The following FSD1L variants were observed in gnomAD, a reference collection of about 807,000 sequenced individuals.
FSD1L encodes FSD1-like protein.
In FSD1L, 45 loss-of-function variants were observed where a neutral mutation model predicts 71.6. The observed-to-expected ratio is 0.63, with a 90% CI of 0.49 to 0.81. FSD1L has a LOEUF of 0.81. FSD1L is among the 30% of genes least tolerant of loss of function. The pLI, the probability that FSD1L is intolerant of heterozygous loss-of-function variation, is 0.00. For synonymous variants in FSD1L, 197 were observed against 207.2 expected, an observed-to-expected ratio of 0.95 and a Z score of 0.42; for missense variants, 561 against 618.1, an observed-to-expected ratio of 0.91 and a Z score of 0.98.
At chr9:105,443,405 C>T (rs991598232), upstream of FSD1L, among the ~76,000 whole-genome samples, 1 of 152,128 alleles carries the variant, frequency 6.6e-6, no homozygotes, top group African/African-American at 2.4e-5. Flanking sequence ...GAGAACAACA[C>T]AGAAAAGAAC....
intron 4 of FSD1L, among the ~76,000 whole-genome samples, chr9:105,470,343 A>G (rs1831372590): frequency 6.6e-6 from 1 of 152,178 alleles, no homozygotes; most frequent in Non-Finnish European, 1.5e-5. Context: ...TGCTTTGGGT[A>G]GTATGGATAG....
intron 10 of FSD1L, chr9:105,520,343 T>C: frequency 2.3e-6 from 3 of 1,307,502 alleles, no homozygotes; most frequent in Non-Finnish European, 3.2e-6. Context: ...TGGAAAGTGA[T>C]GTTTATTTAG....
At chr9:105,442,364 C>G in the FSD1L span, among the ~76,000 whole-genome samples, 17 of 151,980 alleles carry the variant, frequency 1.1e-4, no homozygotes, top group Admixed American at 9.8e-4. Context: ...ATGATGTAAC[C>G]TCACAGTTCA....
rs1251277194 is a variant in FSD1L at position 105,522,692 on chromosome 9, T to TA, written c.1025+9759dup. 2.1e-4 allele frequency: 345 copies of TA among 1,611,368 alleles called. No homozygotes were observed. In the East Asian group the frequency reaches 4.9e-3, roughly 23 times the overall value. The stretch of plus-strand genomic sequence containing the variant: ...TCACTGTTGAACGAGCCAAAGTCAA[T>TA]AAAGAGGACATGAGCCAAAAACTGC... On this transcript the variant is annotated intron_variant, in intron 10 of 13. Coordinates refer to ENST00000481272, the MANE Select transcript of FSD1L (RefSeq NM_001145313.3).
intron 10 of FSD1L, chr9:105,524,519 A>G (rs1259989225): frequency 4.3e-6 from 7 of 1,613,798 alleles, no homozygotes; most frequent in Non-Finnish European, 5.9e-6. Context: ...ATAAAACAGA[A>G]AAATCTGTTC....
intron 10 of FSD1L, among the ~76,000 whole-genome samples, chr9:105,528,276 A>G (rs192194663): frequency 9.5e-4 from 145 of 152,348 alleles, no homozygotes; most frequent in Non-Finnish European, 1.8e-3. Context: ...TCTTCACAGA[A>G]TTGGAAAAAG....
Position 105,539,260 on chromosome 9 carries a change from T to A in FSD1L, c.1379-3T>A. 7.2e-7 allele frequency: 1 copy of A among 1,384,914 alleles called. No individual in the cohort carries two copies. The highest frequency in any genetic ancestry group is 9.8e-7 in the Non-Finnish European group (1 of 1,022,662). The allele number at this position is 1,384,914 out of a possible 1,614,324, so 85.8% of individuals were successfully genotyped here. On this transcript the variant is annotated splice_polypyrimidine_tract_variant and splice_region_variant and intron_variant, in intron 12 of 13. Coordinates refer to ENST00000481272, the MANE Select transcript of FSD1L (RefSeq NM_001145313.3). ...AATTAGGCTTTTTTTCCTTCTTTTT[T>A]AGGTCAACTTTCATTCTATGATGCA...
At chr9:105,521,124 A>G in intron 10 of FSD1L, 2 of 1,613,744 alleles carry the variant, frequency 1.2e-6, no homozygotes, top group East Asian at 2.2e-5. Flanking sequence ...CAATGAAGCA[A>G]TCTATTGTAC....
chr9:105,502,860 G>C (rs558765802), intron 7 of FSD1L, among the ~76,000 whole-genome samples: 4 of 148,652 alleles, frequency 2.7e-5, no homozygotes, highest in Non-Finnish European at 1.5e-5. Flanking sequence ...GAGGAGTTTC[G>C]TCCAGAAGGA....
intron 1 of FSD1L, among the ~76,000 whole-genome samples, chr9:105,449,120 A>T (rs1006377691): frequency 3.9e-5 from 6 of 152,236 alleles, no homozygotes; most frequent in African/African-American, 1.4e-4. Flanking sequence ...GAAAACAAAG[A>T]CATATCTAAG....
At chr9:105,455,717 C>T (rs1052488614) in intron 1 of FSD1L, among the ~76,000 whole-genome samples, 1 of 152,102 alleles carries the variant, frequency 6.6e-6, no homozygotes, top group Non-Finnish European at 1.5e-5. Flanking sequence ...TGAATCTTTC[C>T]TTTTTCCAAC....
rs1406100919 is a variant in FSD1L, at chr9:105,548,740, TC to T, written c.*2259del. 6.6e-6 allele frequency: 1 copy of T among 152,026 alleles called. No homozygotes were observed. The highest frequency in any genetic ancestry group is 1.5e-5 in the Non-Finnish European group (1 of 67,944). The allele number at this position is 152,026 out of a possible 1,614,324, so 9.4% of individuals were successfully genotyped here. On this transcript the variant is annotated 3_prime_UTR_variant, in exon 14 of 14. Transcript: ENST00000481272. Reference sequence around the variant, plus strand: ...GTAATAATAGTGTAAGTTCAGTAAATCCAGTCCAAATTCTCATCACATGTAT... The same window carrying T: ...GTAATAATAGTGTAAGTTCAGTAAATCAGTCCAAATTCTCATCACATGTAT...
upstream of FSD1L, among the ~76,000 whole-genome samples, chr9:105,443,916 G>A (rs1300178158): frequency 6.6e-6 from 1 of 152,142 alleles, no homozygotes; most frequent in Non-Finnish European, 1.5e-5. Flanking sequence ...CTACTTTTAT[G>A]ATCTCTATTT....
chr9:105,492,155 G>C (rs148089457), intron 7 of FSD1L, among the ~76,000 whole-genome samples: 1 of 152,008 alleles, frequency 6.6e-6, no homozygotes, highest in African/African-American at 2.4e-5. Flanking sequence ...GTAAGCTATT[G>C]ATTATTGCCT....
chr9:105,513,750 C>A, intron 10 of FSD1L: 1 of 683,802 alleles, frequency 1.5e-6, no homozygotes, highest in Non-Finnish European at 2.5e-6. Context: ...CCTTCATAAG[C>A]TAAAATACTG....
chr9:105,495,311 G>C (rs1477503122), intron 7 of FSD1L, among the ~76,000 whole-genome samples: 1 of 152,160 alleles, frequency 6.6e-6, no homozygotes, highest in South Asian at 2.1e-4. Flanking sequence ...AGCCAGGTGC[G>C]GGATATAATC....
intron 1 of FSD1L, among the ~76,000 whole-genome samples, chr9:105,449,128 AAG>A (rs1829824531): frequency 6.6e-6 from 1 of 152,234 alleles, no homozygotes; most frequent in Non-Finnish European, 1.5e-5. Flanking sequence ...AGACATATCT[AAG>A]AGACTATTCT....
rs116635048 is a variant in FSD1L, at chr9:105,504,400, A to G, written c.587-1999A>G. 9.2e-3 allele frequency among the ~76,000 whole-genome samples: 1,401 copies of G among 152,326 alleles called. 21 individuals carry two copies. The highest frequency in any genetic ancestry group is 0.032 in the African/African-American group (1,341 of 41,568). ...TTTATTGTACAATTACACATGTAGA[A>G]TTTAACTTTGGGAAGACTCTAGTTA... On this transcript the variant is annotated intron_variant, in intron 7 of 13. Coordinates refer to ENST00000481272, the MANE Select transcript of FSD1L (RefSeq NM_001145313.3).
At chr9:105,482,271 C>T (rs570712992) in intron 6 of FSD1L, among the ~76,000 whole-genome samples, 2 of 152,238 alleles carry the variant, frequency 1.3e-5, no homozygotes, top group South Asian at 4.1e-4. Flanking sequence ...TAGCACATCT[C>T]TATAACTTTA....
Sources: allele counts gnomAD v4.1 joint callset (sites outside exome capture counted in the v4.1 genomes callset), GRCh38; gene constraint gnomAD v4.1.1; transcripts MANE v1.5; gene names NCBI Gene and HGNC (gene_info 2026-07-23, HGNC 2026-07-21).